The following ANTXR1 variants were observed in gnomAD, a reference collection of about 807,000 sequenced individuals.
ANTXR1 encodes ANTXR cell adhesion molecule 1.
In ANTXR1, 19 loss-of-function variants were observed where a neutral mutation model predicts 78.1. The observed-to-expected ratio is 0.24, with a 90% confidence interval of 0.17 to 0.36. ANTXR1 has a LOEUF of 0.36. ANTXR1 is among the 10% of genes least tolerant of loss of function. The pLI is 1.00. For synonymous variants in ANTXR1, 273 were observed against 260.5 expected, an observed-to-expected ratio of 1.05 and a Z score of -0.46; for missense variants, 518 against 718.6, an observed-to-expected ratio of 0.72 and a Z score of 3.19.
chr2:69,124,532 G>C (rs745910821), intron 11 of ANTXR1, 33 bp from the exon 12 acceptor site: 5 of 1,606,126 alleles, frequency 3.1e-6, no homozygotes, highest in Non-Finnish European at 4.3e-6. Flanking sequence ...TGCACGCCCT[G>C]CTGAGAGTCT....
At chr2:69,098,238 T>C (rs1228961935) in intron 9 of ANTXR1, among the ~76,000 whole-genome samples, 1 of 152,236 alleles carries the variant, frequency 6.6e-6, no homozygotes, top group Non-Finnish European at 1.5e-5. Context: ...TTATTGTATA[T>C]CAATTATGCC....
At chr2:69,049,015 A>AT (rs1388135357) in intron 3 of ANTXR1, among the ~76,000 whole-genome samples, 1 of 151,944 alleles carries the variant, frequency 6.6e-6, no homozygotes, top group Non-Finnish European at 1.5e-5. Context: ...AATTGTCAAC[A>AT]TTTTTTTCCC....
intron 3 of ANTXR1, among the ~76,000 whole-genome samples, chr2:69,046,020 C>T (rs1669757984): frequency 6.6e-6 from 1 of 152,232 alleles, no homozygotes; most frequent in East Asian, 1.9e-4. Flanking sequence ...CAATACTGGC[C>T]AAGGATTTTA....
At chr2:69,172,651 C>A (rs1023529682) in intron 14 of ANTXR1, 5 of 702,502 alleles carry the variant, frequency 7.1e-6, no homozygotes, top group Admixed American at 4.8e-5. Flanking sequence ...GGCATGTCTA[C>A]TATTTAAATA....
rs963154021 is a variant in ANTXR1, at chr2:69,187,496, G to A, written c.1353+4836G>A. ...CACTCATGAGTGCATGTGTGTCTGT[G>A]TGTAGGGAAAGTTTCTGACGTTATC... On this transcript the variant is annotated intron_variant, in intron 16 of 17. Transcript: ENST00000303714. Among the ~76,000 whole-genome samples the A allele has an allele frequency of 2.0e-5, 3 of 151,212 alleles. No homozygotes were observed. The South Asian group carries it at 6.3e-4, about 32-fold the overall frequency.
chr2:69,110,463 T>TTATACTTCACCCCTAAA (rs1382471876), intron 10 of ANTXR1, among the ~76,000 whole-genome samples: 3 of 152,196 alleles, frequency 2.0e-5, no homozygotes, highest in Non-Finnish European at 4.4e-5. Context: ...GTTAGATAAG[T>TTATACTTCACCCCTAAA]TATACTTCAC....
intron 2 of ANTXR1, among the ~76,000 whole-genome samples, chr2:69,043,363 T>G (rs1382642327): frequency 6.6e-6 from 1 of 152,322 alleles, no homozygotes; most frequent in Middle Eastern, 3.4e-3. Flanking sequence ...AGATCATACG[T>G]GCAAATCACT....
At chr2:69,024,784 A>G (rs1361210003) in intron 1 of ANTXR1, among the ~76,000 whole-genome samples, 1 of 152,078 alleles carries the variant, frequency 6.6e-6, no homozygotes, top group Non-Finnish European at 1.5e-5. Flanking sequence ...TCAGGCATTC[A>G]CCATTTTCAC....
At chr2:69,156,028 G>A (rs965469103) in intron 13 of ANTXR1, among the ~76,000 whole-genome samples, 1 of 149,576 alleles carries the variant, frequency 6.7e-6, no homozygotes, top group Non-Finnish European at 1.5e-5. Flanking sequence ...TCCCGGTGGT[G>A]TGTGTTCTCC....
intron 1 of ANTXR1, among the ~76,000 whole-genome samples, chr2:69,014,124 G>A (rs949137652): frequency 1.3e-5 from 2 of 152,164 alleles, no homozygotes; most frequent in Non-Finnish European, 2.9e-5. Context: ...TCCCACGGAA[G>A]GCATTATCTT....
chr2:69,141,507 C>T (rs1673067887), intron 12 of ANTXR1, among the ~76,000 whole-genome samples: 1 of 152,176 alleles, frequency 6.6e-6, no homozygotes, highest in African/African-American at 2.4e-5. Flanking sequence ...AGTCAACAAG[C>T]AGTACCTGGT....
intron 12 of ANTXR1, among the ~76,000 whole-genome samples, chr2:69,129,899 G>A (rs940786461): frequency 1.3e-5 from 2 of 152,194 alleles, no homozygotes; most frequent in African/African-American, 4.8e-5. Context: ...TGAGTGATTT[G>A]AAACGTAGTA....
In ANTXR1 at chr2:69,091,564, G is replaced by C. The variant is rs79757450; in HGVS notation, c.703+645G>C. Among the ~76,000 whole-genome samples, 72 of 152,008 alleles carry C rather than the reference G, an allele frequency of 4.7e-4. No homozygotes were observed. The East Asian group carries it at 0.012, about 25-fold the overall frequency. On this transcript the variant is annotated intron_variant, in intron 9 of 17. Coordinates refer to ENST00000303714, the MANE Select transcript of ANTXR1 (RefSeq NM_032208.3). ...CAGTGACTACCAACACCCTACCTCTGGATAGAAATGGAATCACCCCTCTTT... is the reference window on the plus strand; with the variant it reads ...CAGTGACTACCAACACCCTACCTCTCGATAGAAATGGAATCACCCCTCTTT...
At chr2:69,124,861 G>C (rs1460809874) in intron 12 of ANTXR1, among the ~76,000 whole-genome samples, 1 of 152,114 alleles carries the variant, frequency 6.6e-6, no homozygotes, top group African/African-American at 2.4e-5. Flanking sequence ...AAGTTCTCCA[G>C]CTTCCCCATT....
At chr2:69,079,191 G>C (rs1283371251) in intron 8 of ANTXR1, among the ~76,000 whole-genome samples, 1 of 152,180 alleles carries the variant, frequency 6.6e-6, no homozygotes, top group Non-Finnish European at 1.5e-5. Flanking sequence ...AGACCCAGTT[G>C]TCAGTCCACA....
intron 10 of ANTXR1, among the ~76,000 whole-genome samples, chr2:69,119,197 A>G (rs1220124746): frequency 3.9e-5 from 6 of 152,196 alleles, no homozygotes. Context: ...GGCAGCCGGA[A>G]GTGAGGCCAG....
chr2:69,060,282 T>C (rs1670195763), intron 3 of ANTXR1, among the ~76,000 whole-genome samples: 1 of 152,246 alleles, frequency 6.6e-6, no homozygotes, highest in South Asian at 2.1e-4. Context: ...ACCTTTGTTT[T>C]ACTTTGAGAA....
chr2:69,055,509 A>G lies in ANTXR1; in HGVS notation c.296+10696A>G, dbSNP rs138555449. ...TGGGAACAGATTGATTTGTGAGAGT[A>G]GTGTAGTCCACTGCTTCTCAATCCC... On this transcript the variant is annotated intron_variant, in intron 3 of 17. Transcript: ENST00000303714. 5.9e-5 allele frequency among the ~76,000 whole-genome samples: 9 copies of G among 152,274 alleles called. No homozygotes were observed. In the East Asian group the frequency reaches 1.7e-3, roughly 29 times the overall value.
intron 9 of ANTXR1, among the ~76,000 whole-genome samples, chr2:69,099,515 T>G (rs1022906439): frequency 6.6e-6 from 1 of 152,212 alleles, no homozygotes; most frequent in African/African-American, 2.4e-5. Flanking sequence ...GTAGAAGAAC[T>G]GCTAAACTAT....
Sources: gnomAD v4.1 joint callset for allele counts (sites outside exome capture counted in the v4.1 genomes callset) on GRCh38, gnomAD v4.1.1 for gene constraint, MANE v1.5 for transcripts, NCBI Gene and HGNC (gene_info 2026-07-23, HGNC 2026-07-21) for gene names.